NAV3: variants seen among roughly 807,000 people sequenced by gnomAD.
The protein encoded by NAV3 is pore membrane and/or filament interacting like protein 1.
Under a neutral mutation model 244.7 loss-of-function variants are expected in NAV3, and 87 were observed. That is an observed-to-expected ratio of 0.36 (90% CI 0.30 to 0.42). The LOEUF (loss-of-function observed/expected upper bound fraction) is 0.42. Among genes scored for constraint, NAV3 ranks in the 20% least tolerant of loss-of-function variants. NAV3 has a pLI of 1.00. For synonymous variants in NAV3, 1,126 were observed against 1,042.2 expected, an observed-to-expected ratio of 1.08 and a Z score of -1.55; for missense variants, 2,663 against 2,893.3, an observed-to-expected ratio of 0.92 and a Z score of 1.83.
At chr12:77,620,467 AT>A (rs531358629) in intron 2 of NAV3, among the ~76,000 whole-genome samples, 246 of 145,234 alleles carry the variant, frequency 1.7e-3, no homozygotes, top group Admixed American at 3.0e-3. Context: ...TGATTTGAAC[AT>A]TTTTTTTTTT....
chr12:78,080,054 C>T (rs1302923529), intron 12 of NAV3, among the ~76,000 whole-genome samples: 3 of 152,108 alleles, frequency 2.0e-5, no homozygotes, highest in Non-Finnish European at 2.9e-5. Flanking sequence ...GCCCTCTTCC[C>T]CACCCATTTT....
At chr12:77,595,791 C>T (rs1057368941) in intron 2 of NAV3, among the ~76,000 whole-genome samples, 9 of 152,002 alleles carry the variant, frequency 5.9e-5, no homozygotes, top group Non-Finnish European at 1.2e-4. Context: ...TTTATAGTGT[C>T]ATGCAAAAAT....
chr12:77,716,494 T>A (rs967953071), intron 2 of NAV3, among the ~76,000 whole-genome samples: 1 of 151,808 alleles, frequency 6.6e-6, no homozygotes, highest in East Asian at 1.9e-4. Flanking sequence ...ATGAAAAAAA[T>A]TTTCATAATT....
At chr12:77,848,951 T>A (rs779823533) in intron 1 of NAV3, among the ~76,000 whole-genome samples, 7 of 152,174 alleles carry the variant, frequency 4.6e-5, no homozygotes, top group Non-Finnish European at 8.8e-5. Flanking sequence ...TGTTTACCAG[T>A]CAGTCAAAGT....
At chr12:77,610,538 G>A (rs985833604) in intron 2 of NAV3, among the ~76,000 whole-genome samples, 2 of 152,154 alleles carry the variant, frequency 1.3e-5, no homozygotes, top group Admixed American at 6.6e-5. Flanking sequence ...TTATAGATAC[G>A]TAGACAAGCC....
chr12:77,692,766 A>T (rs1039350479), intron 2 of NAV3, among the ~76,000 whole-genome samples: 20 of 135,874 alleles, frequency 1.5e-4, no homozygotes, highest in South Asian at 6.5e-4. Flanking sequence ...TACCTTTTTT[A>T]AAAAAAATAT....
chr12:77,846,283 T>C (rs1876618507), intron 1 of NAV3, among the ~76,000 whole-genome samples: 1 of 152,240 alleles, frequency 6.6e-6, no homozygotes, highest in African/African-American at 2.4e-5. Flanking sequence ...GTCAGGAGTT[T>C]ATTCTCTAAA....
intron 23 of NAV3, among the ~76,000 whole-genome samples, chr12:78,159,707 A>G (rs1201523373): frequency 6.6e-6 from 1 of 152,070 alleles, no homozygotes; most frequent in Admixed American, 6.6e-5. Context: ...ACTAAATTAA[A>G]ACAATGATAA....
rs1380088773 is a variant in NAV3, at chr12:78,177,188, G to C, written c.5172G>C (p.Lys1724Asn). 2 of 1,613,364 alleles carry C rather than the reference G, an allele frequency of 1.2e-6. No homozygotes were observed. The highest frequency in any genetic ancestry group is 1.7e-5 in the Admixed American group (1 of 59,954). Residue 1724 changes from lysine (K) to asparagine (N), a missense_variant, in exon 27 of 40, where the codon AAG becomes AAC. Transcript: ENST00000397909. ...CCTTTGGGAAGAAAAAGTCCACCAA[G>C]CCTCCTTCATCACATTCTGACATTG... ...KQAFGKKKST[K>N]PPSSHSDIEE...
chr12:78,030,562 A>G (rs1188764270), intron 9 of NAV3, among the ~76,000 whole-genome samples: 5 of 152,052 alleles, frequency 3.3e-5, no homozygotes, highest in Non-Finnish European at 7.4e-5. Flanking sequence ...TACTTAATAA[A>G]CTCAGAAGAT....
chr12:77,662,169 C>A (rs147489464), intron 2 of NAV3, among the ~76,000 whole-genome samples: 16 of 151,930 alleles, frequency 1.1e-4, no homozygotes, highest in African/African-American at 3.9e-4. Context: ...AGTCTTGAAT[C>A]GATTAAAATC....
chr12:77,603,525 A>C (rs1054208759), intron 2 of NAV3, among the ~76,000 whole-genome samples: 2 of 152,048 alleles, frequency 1.3e-5, no homozygotes, highest in Non-Finnish European at 2.9e-5. Flanking sequence ...TGGTGATCTC[A>C]TCAAAAGACA....
intron 1 of NAV3, among the ~76,000 whole-genome samples, chr12:77,869,469 G>T (rs751951067): frequency 6.6e-6 from 1 of 152,136 alleles, no homozygotes; most frequent in Non-Finnish European, 1.5e-5. Flanking sequence ...ATGAAAATTT[G>T]TCTTAATGCA....
intron 1 of NAV3, among the ~76,000 whole-genome samples, chr12:77,910,856 C>T (rs906648185): frequency 2.0e-4 from 31 of 152,048 alleles, no homozygotes; most frequent in African/African-American, 7.5e-4. Context: ...TGCTTGAAAG[C>T]TGAAGCATGA....
chr12:78,184,225 T>C (rs2139784018), intron 30 of NAV3, among the ~76,000 whole-genome samples: 1 of 152,022 alleles, frequency 6.6e-6, no homozygotes, highest in East Asian at 1.9e-4. Flanking sequence ...TCTGATACCA[T>C]TTATACCTAA....
In NAV3 at chr12:77,591,137, T is replaced by C. The variant is rs550683803; in HGVS notation, c.72+18871T>C. Among the ~76,000 whole-genome samples, 6 of 152,358 alleles carry C rather than the reference T, an allele frequency of 3.9e-5. No homozygotes were observed. In the South Asian group the frequency reaches 1.2e-3, roughly 32 times the overall value. On this transcript the variant is annotated intron_variant, in intron 2 of 8. Coordinates refer to the NAV3 transcript ENST00000550042. ...ATGAGATAAAAACTGCTTCCTTTTG[T>C]GTATTTTGCATAAGCTTACTGCTCA...
At chr12:77,902,951 T>G (rs1195357604) in intron 1 of NAV3, among the ~76,000 whole-genome samples, 1 of 152,160 alleles carries the variant, frequency 6.6e-6, no homozygotes, top group African/African-American at 2.4e-5. Flanking sequence ...GTGAAGGAAC[T>G]CTTCAAGGAG....
In NAV3 at chr12:78,205,078, C is replaced by T. The variant is rs974237986; in HGVS notation, c.6978C>T (p.Ser2326=). 2 of 1,613,364 alleles carry T rather than the reference C, an allele frequency of 1.2e-6. No individual in the cohort carries two copies. Among genetic ancestry groups the T allele is most frequent in the African/African-American group, 2.7e-5 (2 of 74,878 alleles). The change falls in exon 39 of 40, where the codon TCC becomes TCT. Residue 2326 remains serine, a synonymous_variant. Transcript: ENST00000397909. ...ATGTTGGGTATGAAAGCTGCACATC[C>T]ACTAAGGAAGCCACAACCTCAAAGC... ...PEDVGYESCT[S]TKEATTSKHI...
At chr12:77,843,397 T>G (rs1876036626) in intron 1 of NAV3, among the ~76,000 whole-genome samples, 1 of 147,830 alleles carries the variant, frequency 6.8e-6, no homozygotes, top group African/African-American at 2.6e-5. Flanking sequence ...TGTTAATCAT[T>G]TGTGTGTGTG....
Sources: gnomAD v4.1 joint callset for allele counts (sites outside exome capture counted in the v4.1 genomes callset) on GRCh38, gnomAD v4.1.1 for gene constraint, MANE v1.5 for transcripts, NCBI Gene and HGNC (gene_info 2026-07-23, HGNC 2026-07-21) for gene names.